The following DDX3X variants were observed in gnomAD, a reference collection of about 807,000 sequenced individuals.
The protein encoded by DDX3X is DEAD-box helicase 3 X-linked, also known as ATP-dependent RNA helicase DDX3X.
A neutral mutation model predicts 52.7 loss-of-function variants in DDX3X; 4 were observed. That is an observed-to-expected ratio of 0.08 (90% CI 0.04 to 0.17). The LOEUF (loss-of-function observed/expected upper bound fraction) is 0.17, where lower values mean the gene tolerates loss of function less well. Ranked by LOEUF, DDX3X falls within the 10% of genes least tolerant of loss-of-function variation. DDX3X has a pLI of 1.00. For synonymous variants in DDX3X, 192 were observed against 178.1 expected (o/e 1.08, Z -0.62); for missense variants, 222 against 548.6 (o/e 0.40, Z 5.95).
At chrX:41,334,155 G>A, upstream of DDX3X, 1 of 914,878 alleles carries the variant, frequency 1.1e-6, no homozygotes. Flanking sequence ...GCCGCGCGGT[G>A]CGCTCCAGAG....
intron 5 of DDX3X, among the ~76,000 whole-genome samples, chrX:41,363,356 T>C (rs1420029575): frequency 1.8e-5 from 2 of 108,485 alleles, no homozygotes; most frequent in African/African-American, 3.4e-5. Flanking sequence ...ACCCAGGAGG[T>C]GGAGGTTGCA....
chrX:41,343,461 T>C, intron 7 of DDX3X, 110 bp downstream of exon 7: 1 of 710,139 alleles, frequency 1.4e-6, no homozygotes, highest in Non-Finnish European at 2.0e-6. Flanking sequence ...TCTGCGCTGC[T>C]ATTGGACTGT....
In DDX3X at chrX:41,346,424, T is replaced by A. The variant is rs1247027396; in HGVS notation, c.1497+14T>A. The A allele has an allele frequency of 1.7e-6, 2 of 1,202,829 alleles. No individual in the cohort carries two copies. The highest frequency in any genetic ancestry group is 2.2e-5 in the Admixed American group (1 of 44,607). ...GTGGCTACAGCAGTATGTATAAACA[T>A]CTTTCTTTTATTCAAATTGAGCATG... On this transcript the variant is annotated intron_variant, in intron 13 of 16. Transcript: ENST00000644876.
intron 10 of DDX3X, 123 bp from the exon 11 acceptor site, chrX:41,345,057 T>C (rs1228094400): frequency 2.9e-6 from 2 of 681,450 alleles, no homozygotes; most frequent in African/African-American, 4.4e-5. Context: ...ACCATCTTAA[T>C]GAATATATAA....
intron 8 of DDX3X, 76 bp from the exon 9 acceptor site, chrX:41,343,954 C>T (rs1217677296): frequency 2.0e-6 from 2 of 1,012,070 alleles, no homozygotes; most frequent in Admixed American, 2.8e-5. Context: ...CTATAAATTA[C>T]AAAAGGGAAT....
Position 41,362,233 on chromosome X carries a change from C to T in DDX3X, c.655-2041C>T, listed in dbSNP as rs143912911. ...CCTCCTGAGTAGCTGGGATTACAGG[C>T]GTGTGCCACCACGCCCGGCTAATTT... On this transcript the variant is annotated intron_variant, in intron 5 of 5. Transcript: ENST00000616050. 3.6e-3 allele frequency among the ~76,000 whole-genome samples: 390 copies of T among 109,703 alleles called. 1 individual carries two copies. Among genetic ancestry groups the T allele is most frequent in the East Asian group, 0.017 (58 of 3,491 alleles).
chrX:41,344,006 C>CTTAATT, intron 8 of DDX3X, 24 bp from the exon 9 acceptor site: 1 of 1,160,017 alleles, frequency 8.6e-7, no homozygotes. Context: ...GTAGAGTTAA[C>CTTAATT]TTAAAAATTA....
intron 12 of DDX3X, chrX:41,345,904 G>T: frequency 3.9e-6 from 1 of 256,238 alleles, no homozygotes; most frequent in East Asian, 7.7e-5. Context: ...TAATTGCTCT[G>T]GTAATAACCC....
At position 41,349,873 on chromosome X, in the gene DDX3X, T is replaced by G. The variant is rs879175688; in HGVS notation, c.*2154T>G. On this transcript the variant is annotated 3_prime_UTR_variant, in exon 17 of 17. Transcript: ENST00000644876. ...TGAAGTGTCCAGATTCTCAGATGTT[T>G]GTTGTGTGGATTTTGTTTAGTTGTG... is the stretch of plus-strand genomic sequence containing the variant. 3 of 109,086 alleles carry G rather than the reference T, an allele frequency of 2.8e-5. No homozygotes were observed. In the East Asian group the frequency reaches 8.7e-4, roughly 32 times the overall value. The allele number at this position is 109,086 out of a possible 1,213,427, so 9.0% of individuals were successfully genotyped here.
intron 7 of DDX3X, 48 bp downstream of exon 7, chrX:41,343,399 A>C (rs2063877932): frequency 9.1e-7 from 1 of 1,104,532 alleles, no homozygotes; most frequent in Admixed American, 3.2e-5. Context: ...TCTGTAAAGG[A>C]CTAGACAATA....
chrX:41,343,444 C>T, intron 7 of DDX3X, 93 bp downstream of exon 7: 1 of 851,335 alleles, frequency 1.2e-6, no homozygotes, highest in Non-Finnish European at 1.6e-6. Context: ...TGCAGTTTTG[C>T]AGCTGCTCTG....
intron 5 of DDX3X, among the ~76,000 whole-genome samples, chrX:41,358,498 T>C (rs1330495904): frequency 8.9e-6 from 1 of 112,074 alleles, no homozygotes; most frequent in Non-Finnish European, 1.9e-5. Context: ...ACTCATCATT[T>C]TGAGAGTACT....
Position 41,342,648 on chromosome X carries a change from G to A in DDX3X, c.438G>A (p.Leu146=). ...AACCACTCCCACCAAGTGAACGCTT[G>A]GAACAGTAAGTTTTTGAAGTGTATG... ...WSKPLPPSER[L]EQELFSGGNT... The change falls in exon 5 of 17, where the codon TTG becomes TTA. Residue 146 remains leucine (L), a synonymous_variant. Coordinates refer to ENST00000644876, the MANE Select transcript of DDX3X (RefSeq NM_001356.5). 1.7e-6 allele frequency: 2 copies of A among 1,211,624 alleles called. No homozygotes were observed.
chrX:41,340,946 CATTCTT>C (rs1156325237), intron 3 of DDX3X: 2 of 279,265 alleles, frequency 7.2e-6, no homozygotes, highest in Non-Finnish European at 1.3e-5. Flanking sequence ...CATTGAGAAA[CATTCTT>C]AGACTGTCAG....
chrX:41,334,585 G>A, intron 1 of DDX3X: 1 of 1,084,013 alleles, frequency 9.2e-7, no homozygotes, highest in Non-Finnish European at 1.2e-6. Flanking sequence ...GCTCTCGCGG[G>A]GACGCGCATG....
chrX:41,345,751 G>C (rs2063915190), intron 12 of DDX3X: 1 of 397,273 alleles, frequency 2.5e-6, no homozygotes, highest in African/African-American at 2.6e-5. Context: ...CCATGTTGAT[G>C]CCAAACTTAG....
intron 5 of DDX3X, among the ~76,000 whole-genome samples, chrX:41,362,519 C>G (rs1228173494): frequency 9.0e-6 from 1 of 111,417 alleles, no homozygotes; most frequent in East Asian, 2.8e-4. Flanking sequence ...CCTATCATAC[C>G]AGCCGCCTTT....
chrX:41,361,094 G>A (rs1602145378), intron 5 of DDX3X, among the ~76,000 whole-genome samples: 1 of 107,563 alleles, frequency 9.3e-6, no homozygotes, highest in Admixed American at 1.0e-4. Context: ...GCAGCTTGCC[G>A]CTCTGTTTTT....
At chrX:41,337,543 A>C (rs1313596654) in intron 2 of DDX3X, 78 bp downstream of exon 2, 1 of 903,382 alleles carries the variant, frequency 1.1e-6, no homozygotes, top group Non-Finnish European at 1.6e-6. Context: ...TGTAAAATTT[A>C]AGAAATTTGC....
Sources: allele counts gnomAD v4.1 joint callset (sites outside exome capture counted in the v4.1 genomes callset), GRCh38; gene constraint gnomAD v4.1.1; transcripts MANE v1.5; gene names NCBI Gene and HGNC (gene_info 2026-07-23, HGNC 2026-07-21).